MAP4K4: variants seen among roughly 807,000 people sequenced by gnomAD.
The protein encoded by MAP4K4 is mitogen-activated protein kinase kinase kinase kinase 4, also known as HPK/GCK-like kinase HGK.
In MAP4K4, 38 loss-of-function variants were observed where a neutral mutation model predicts 189.6. The observed-to-expected ratio is 0.20, with a 90% CI of 0.15 to 0.26. MAP4K4 has a LOEUF of 0.26. Ranked by LOEUF, MAP4K4 falls within the 10% of genes least tolerant of loss-of-function variation. The probability of loss-of-function intolerance (pLI) is 1.00; values close to 1 mark genes in which losing one functional copy is unlikely to be tolerated. For missense variants in MAP4K4, 1,054 were observed against 1,726.9 expected, an observed-to-expected ratio of 0.61 and a Z score of 6.91; for synonymous variants, 610 against 624.3, an observed-to-expected ratio of 0.98 and a Z score of 0.34.
At chr2:101,705,953 G>T (rs143233604) in intron 2 of MAP4K4, among the ~76,000 whole-genome samples, 407 of 152,226 alleles carry the variant, frequency 2.7e-3, no homozygotes, top group Non-Finnish European at 4.5e-3. Flanking sequence ...AACTGTCTCA[G>T]ATATGGCTAA....
intron 2 of MAP4K4, among the ~76,000 whole-genome samples, chr2:101,779,820 T>TG (rs1367343797): frequency 1.3e-5 from 2 of 151,870 alleles, no homozygotes; most frequent in Admixed American, 1.3e-4. Flanking sequence ...TTTTTTTTTT[T>TG]TTTAAAGGAG....
chr2:101,766,813 G>C (rs1237779933), intron 2 of MAP4K4, among the ~76,000 whole-genome samples: 1 of 152,060 alleles, frequency 6.6e-6, no homozygotes, highest in African/African-American at 2.4e-5. Flanking sequence ...CCAGGTTCTT[G>C]GCACTTTGAA....
chr2:101,867,518 A>T (rs888788844), intron 20 of MAP4K4: 9 of 516,944 alleles, frequency 1.7e-5, no homozygotes, highest in African/African-American at 1.5e-4. Flanking sequence ...AGTGAGTAAA[A>T]CCTTTTTTCT....
At chr2:101,701,596 G>T (rs1433622073) in intron 2 of MAP4K4, among the ~76,000 whole-genome samples, 1 of 152,170 alleles carries the variant, frequency 6.6e-6, no homozygotes, top group East Asian at 1.9e-4. Context: ...GTGGTAAATG[G>T]TCTGGTATAG....
exon 16 of MAP4K4, chr2:101,860,962 C>T (rs543273155): frequency 6.2e-7 from 1 of 1,601,886 alleles, no homozygotes; most frequent in African/African-American, 1.3e-5. Context: ...TGCATCCCGC[C>T]CTGCAGAGAC....
chr2:101,892,719 C>CT (rs2098587447), exon 33 of MAP4K4: 1 of 344,984 alleles, frequency 2.9e-6, no homozygotes, highest in South Asian at 2.2e-5. Context: ...CGTTTTCTCA[C>CT]TTGCTCTCTT....
At chr2:101,856,335 A>G (rs1371167268) in intron 13 of MAP4K4, among the ~76,000 whole-genome samples, 197 bp downstream of exon 13, 1 of 152,202 alleles carries the variant, frequency 6.6e-6, no homozygotes, top group African/African-American at 2.4e-5. Context: ...TCTTGTCTTA[A>G]AAAGGGTTTA....
chr2:101,804,855 T>C (rs946158227), intron 3 of MAP4K4, among the ~76,000 whole-genome samples: 1 of 151,996 alleles, frequency 6.6e-6, no homozygotes, highest in Non-Finnish European at 1.5e-5. Context: ...GCCAAGGTGG[T>C]TGGATCATGA....
chr2:101,757,428 A>T (rs918479534), intron 2 of MAP4K4, among the ~76,000 whole-genome samples: 1 of 152,260 alleles, frequency 6.6e-6, no homozygotes, highest in Non-Finnish European at 1.5e-5. Context: ...ACAGAAAACC[A>T]GTCAAATCTG....
intron 3 of MAP4K4, 53 bp downstream of exon 3, chr2:101,790,829 TC>T: frequency 7.2e-7 from 1 of 1,395,010 alleles, no homozygotes; most frequent in Non-Finnish European, 1.0e-6. Flanking sequence ...AGACAAAGAT[TC>T]CCCCAACAAC....
exon 17 of MAP4K4, chr2:101,864,049 A>G: frequency 2.2e-6 from 3 of 1,357,238 alleles, no homozygotes; most frequent in Non-Finnish European, 3.0e-6. Context: ...GGTGCCTCCA[A>G]GGGTAAGGAG....
At chr2:101,771,623 T>C (rs1003084874) in intron 2 of MAP4K4, among the ~76,000 whole-genome samples, 2 of 152,180 alleles carry the variant, frequency 1.3e-5, no homozygotes, top group Non-Finnish European at 2.9e-5. Context: ...AGTTGAATTT[T>C]GTTAAATCCA....
Position 101,810,577 on chromosome 2 carries a change from T to TC in MAP4K4, c.181-13344dup, listed in dbSNP as rs561007339. Among the ~76,000 whole-genome samples the TC allele has an allele frequency of 1.4e-4, 22 of 152,052 alleles. No individual in the cohort carries two copies. The South Asian group carries it at 4.4e-3, about 30-fold the overall frequency. ...CTGTATCCCTCAGGTTTTATGATTT[T>TC]CCCCCCCAAGTAATTAGAGATGTCT... On this transcript the variant is annotated intron_variant, in intron 3 of 32. Coordinates refer to ENST00000324219, the Ensembl canonical transcript of MAP4K4.
intron 23 of MAP4K4, among the ~76,000 whole-genome samples, chr2:101,870,796 C>CT (rs1359800145): frequency 1.3e-5 from 2 of 152,126 alleles, no homozygotes; most frequent in African/African-American, 4.8e-5. Context: ...ACGCTGGGCT[C>CT]TGAGTGTCTG....
chr2:101,760,403 T>G (rs1035089844), intron 2 of MAP4K4, among the ~76,000 whole-genome samples: 1 of 149,406 alleles, frequency 6.7e-6, no homozygotes, highest in Non-Finnish European at 1.5e-5. Flanking sequence ...GCAGGAGAAT[T>G]GCTTGAACCT....
intron 27 of MAP4K4, among the ~76,000 whole-genome samples, chr2:101,879,702 T>C (rs1339963796): frequency 6.6e-6 from 1 of 152,228 alleles, no homozygotes; most frequent in Non-Finnish European, 1.5e-5. Context: ...AACTGCCCTG[T>C]GAAGCCACCC....
At chr2:101,854,974 G>A (rs56400989) in intron 12 of MAP4K4, among the ~76,000 whole-genome samples, 37,265 of 152,116 alleles carry the variant, frequency 0.24, 5,485 homozygotes, top group Non-Finnish European at 0.31. Flanking sequence ...GTGCTCATTA[G>A]CAACACGTGA....
chr2:101,733,640 G>A (rs1441030621), intron 2 of MAP4K4, among the ~76,000 whole-genome samples: 3 of 152,176 alleles, frequency 2.0e-5, no homozygotes, highest in Admixed American at 6.5e-5. Flanking sequence ...TGTATGGAGC[G>A]TGCATGGGAC....
chr2:101,730,643 G>A (rs2058025344), intron 2 of MAP4K4, among the ~76,000 whole-genome samples: 1 of 152,156 alleles, frequency 6.6e-6, no homozygotes, highest in South Asian at 2.1e-4. Flanking sequence ...CACCTCCAGA[G>A]CACATTCACA....
Sources: gnomAD v4.1 joint callset for allele counts (sites outside exome capture counted in the v4.1 genomes callset) on GRCh38, gnomAD v4.1.1 for gene constraint, MANE v1.5 for transcripts, NCBI Gene and HGNC (gene_info 2026-07-23, HGNC 2026-07-21) for gene names.